The following ABCC3 variants were observed in gnomAD, a reference collection of about 807,000 sequenced individuals.
ABCC3 encodes the protein ATP binding cassette subfamily C member 3.
Under a neutral mutation model 165.3 loss-of-function variants are expected in ABCC3, and 121 were observed. The observed-to-expected ratio is 0.73, with a 90% CI of 0.63 to 0.85. ABCC3 has a LOEUF of 0.85. Ranked by LOEUF, ABCC3 falls within the 40% of genes least tolerant of loss-of-function variation. The pLI, the probability that ABCC3 is intolerant of heterozygous loss-of-function variation, is 0.00. For synonymous variants in ABCC3, 733 were observed against 810.1 expected (o/e 0.90, Z 1.62); for missense variants, 1,869 against 1,964.1 (o/e 0.95, Z 0.92).
At chr17:50,686,727 C>A (rs903844052) in intron 29 of ABCC3, among the ~76,000 whole-genome samples, 11 of 152,158 alleles carry the variant, frequency 7.2e-5, no homozygotes, top group Non-Finnish European at 1.0e-4. Context: ...TAACCTGTGT[C>A]CTGTGCCAGT....
chr17:50,657,233 G>T (rs370596662), intron 4 of ABCC3, 50 bp downstream of exon 4: 3 of 1,595,460 alleles, frequency 1.9e-6, no homozygotes, highest in Non-Finnish European at 2.6e-6. Context: ...TGATAGGAGG[G>T]TGACCTCAGG....
intron 10 of ABCC3, chr17:50,664,549 A>G: frequency 4.8e-6 from 1 of 207,462 alleles, no homozygotes; most frequent in African/African-American, 2.3e-5. Flanking sequence ...CTAAAAATAC[A>G]AAAATTAGCC....
At chr17:50,638,988 A>G (rs748741645) in intron 1 of ABCC3, among the ~76,000 whole-genome samples, 1 of 152,212 alleles carries the variant, frequency 6.6e-6, no homozygotes, top group Non-Finnish European at 1.5e-5. Context: ...GCTCCTGGGT[A>G]TCAGGGTCTC....
intron 1 of ABCC3, among the ~76,000 whole-genome samples, chr17:50,636,908 G>A (rs766362318): frequency 2.7e-5 from 4 of 150,628 alleles, no homozygotes. Flanking sequence ...TGAGGCCAAG[G>A]GAGTGAAGGT....
Position 50,677,922 on chromosome 17 carries a change from A to G in ABCC3, c.3557A>G (p.Tyr1186Cys). 1.2e-6 allele frequency: 2 copies of G among 1,614,068 alleles called. No homozygotes were observed. Among genetic ancestry groups the G allele is most frequent in the Non-Finnish European group, 1.7e-6 (2 of 1,180,002 alleles). Reference protein sequence around the residue: ...TKVDANQRSCYPYIISNRWLS... With the variant: ...TKVDANQRSCCPYIISNRWLS... ...GTGGATGCCAACCAGAGAAGCTGCT[A>G]CCCCTACATCATCTCCAACCGGTCA... The change falls in exon 24 of 31, where the codon TAC becomes TGC. Residue 1186 changes from tyrosine to cysteine, a missense_variant. Tyr to Cys is a radical substitution (Grantham distance 194). Transcript: ENST00000285238.
At chr17:50,659,422 C>T in intron 7 of ABCC3, 54 bp downstream of exon 7, 1 of 1,561,410 alleles carries the variant, frequency 6.4e-7, no homozygotes, top group African/African-American at 1.4e-5. Context: ...CCCAGATCTC[C>T]TGCAGAGGAC....
chr17:50,673,974 TTCTTTCTCTCTCTC>T (rs1701607125), intron 19 of ABCC3, among the ~76,000 whole-genome samples: 4 of 13,284 alleles, frequency 3.0e-4, no homozygotes, highest in African/African-American at 6.8e-4. Context: ...CTTTCTTTCT[TTCTTTCTCTCTCTC>T]TCTCTCTCTC....
At chr17:50,666,471 C>CA (rs367972689) in intron 11 of ABCC3, among the ~76,000 whole-genome samples, 5 of 148,980 alleles carry the variant, frequency 3.4e-5, no homozygotes, top group South Asian at 4.3e-4. Context: ...AACTCCGTCT[C>CA]AAAAAAAAAA....
At chr17:50,635,739 C>T in intron 1 of ABCC3, 1 of 622,516 alleles carries the variant, frequency 1.6e-6, no homozygotes, top group East Asian at 2.7e-5. Context: ...AGGCTACAGG[C>T]CAGGTGCAGT....
rs1343330325 is a variant in ABCC3, at chr17:50,691,418, G to A, written c.*218G>A. 1 of 511,818 alleles carries A rather than the reference G, an allele frequency of 2.0e-6. No individual in the cohort carries two copies. The highest frequency in any genetic ancestry group is 3.1e-5 in the Admixed American group (1 of 31,756). The allele number at this position is 511,818 out of a possible 1,614,324, so 31.7% of individuals were successfully genotyped here. On this transcript the variant is annotated 3_prime_UTR_variant, in exon 31 of 31. Coordinates refer to ENST00000285238, the MANE Select transcript of ABCC3 (RefSeq NM_003786.4). ...ACGCCTAAGGTCACAGCTAGTTTGAGCCAGTTAGACTAGTCCCCGGTCTCC... is the reference window on the plus strand; with the variant it reads ...ACGCCTAAGGTCACAGCTAGTTTGAACCAGTTAGACTAGTCCCCGGTCTCC...
intron 1 of ABCC3, chr17:50,643,792 T>G: frequency 1.1e-5 from 4 of 350,682 alleles, no homozygotes; most frequent in Non-Finnish European, 1.7e-5. Flanking sequence ...TAGGATGAAG[T>G]GAGTTGGCTG....
chr17:50,665,592 T>C (rs936420527), intron 11 of ABCC3, among the ~76,000 whole-genome samples: 2 of 150,332 alleles, frequency 1.3e-5, no homozygotes, highest in Admixed American at 1.3e-4. Context: ...CAAACATTTC[T>C]TGAAGTGTTT....
At chr17:50,637,031 G>A (rs893268889) in intron 1 of ABCC3, among the ~76,000 whole-genome samples, 10 of 152,318 alleles carry the variant, frequency 6.6e-5, no homozygotes, top group Middle Eastern at 3.4e-3. Context: ...CCTCTGGCCC[G>A]CGCACTTCTC....
chr17:50,687,384 C>T (rs776795297), intron 29 of ABCC3, 152 bp from the exon 30 acceptor site: 40 of 705,658 alleles, frequency 5.7e-5, no homozygotes, highest in South Asian at 1.9e-5. Context: ...CAGACCTCTG[C>T]TCCGTTCTGG....
At chr17:50,641,360 A>G (rs2146587722) in intron 1 of ABCC3, among the ~76,000 whole-genome samples, 1 of 152,308 alleles carries the variant, frequency 6.6e-6, no homozygotes, top group South Asian at 2.1e-4. Context: ...GAATGAGAGG[A>G]GAGCCTTGAG....
In ABCC3 at chr17:50,691,208, T is replaced by C. The variant is rs774796060; in HGVS notation, c.*8T>C. 3.1e-6 allele frequency: 5 copies of C among 1,597,344 alleles called. No individual in the cohort carries two copies. The highest frequency in any genetic ancestry group is 3.4e-6 in the Non-Finnish European group (4 of 1,164,906). On this transcript the variant is annotated 3_prime_UTR_variant, in exon 31 of 31. Coordinates refer to ENST00000285238, the MANE Select transcript of ABCC3 (RefSeq NM_003786.4). ...GATGCTGGACTTGCCTAAAATATAT[T>C]CCTGAGATTTCCTCCTGGCCTTTCC...
chr17:50,676,128 C>T (rs1470987117), intron 22 of ABCC3, 38 bp downstream of exon 22: 8 of 1,611,072 alleles, frequency 5.0e-6, no homozygotes, highest in Non-Finnish European at 6.8e-6. Context: ...GCTCCAATAT[C>T]CCTTCTTCTC....
chr17:50,677,177 C>T (rs942131916), intron 23 of ABCC3, among the ~76,000 whole-genome samples: 3 of 152,250 alleles, frequency 2.0e-5, no homozygotes, highest in Admixed American at 6.5e-5. Context: ...CCACCATACC[C>T]GGCCTTCCTG....
rs745402877 is a variant in ABCC3 at position 50,635,654 on chromosome 17, AGG to A, written c.45+675_45+676del. 1,795 of 698,326 alleles carry A rather than the reference AGG, an allele frequency of 2.6e-3. 3 individuals carry two copies. Among genetic ancestry groups the A allele is most frequent in the Non-Finnish European group, 3.5e-3 (1,348 of 382,256 alleles). 43.3% of individuals were successfully genotyped at this position (698,326 alleles called of 1,614,324 possible). A position where few individuals can be genotyped will look rare whatever the true frequency, so the allele number is the denominator to read the frequency against. On this transcript the variant is annotated intron_variant, in intron 1 of 30. Transcript: ENST00000285238. ...CAACTCCCTTCTCACAGATGGAGAA[AGG>A]GAGGCCCAGAGAGAGGAAGGGACTT... is the stretch of plus-strand genomic sequence containing the variant.
Sources: allele counts gnomAD v4.1 joint callset (sites outside exome capture counted in the v4.1 genomes callset), GRCh38; gene constraint gnomAD v4.1.1; transcripts MANE v1.5; gene names NCBI Gene and HGNC (gene_info 2026-07-23, HGNC 2026-07-21).